The following CACNA1C variants were observed in gnomAD, a reference collection of about 807,000 sequenced individuals.
CACNA1C encodes voltage-dependent L-type calcium channel subunit alpha-1C.
In CACNA1C, 30 loss-of-function variants were observed where a neutral mutation model predicts 229.0. That is an observed-to-expected ratio of 0.13 (90% CI 0.10 to 0.18). CACNA1C has a LOEUF of 0.18. Ranked by LOEUF, CACNA1C falls within the 10% of genes least tolerant of loss-of-function variation. CACNA1C has a pLI of 1.00. For synonymous variants in CACNA1C, 1,114 were observed against 1,132.5 expected (o/e 0.98, Z 0.33); for missense variants, 1,658 against 2,845.0 (o/e 0.58, Z 9.49).
At chr12:2,598,903 C>T (rs1340717224) in intron 21 of CACNA1C, among the ~76,000 whole-genome samples, 5 of 152,192 alleles carry the variant, frequency 3.3e-5, no homozygotes, top group Non-Finnish European at 5.9e-5. Flanking sequence ...TCTGACCAGG[C>T]CTTGGTTCCT....
At chr12:2,591,767 G>T (rs904371737) in intron 18 of CACNA1C, among the ~76,000 whole-genome samples, 1 of 151,894 alleles carries the variant, frequency 6.6e-6, no homozygotes, top group African/African-American at 2.4e-5. Flanking sequence ...TACAGTTCTA[G>T]AGGCTGGAAG....
At chr12:2,392,878 C>G (rs567074895) in intron 3 of CACNA1C, among the ~76,000 whole-genome samples, 1 of 152,232 alleles carries the variant, frequency 6.6e-6, no homozygotes, top group South Asian at 2.1e-4. Flanking sequence ...AGCTAGGGAG[C>G]TTTTCTTTAT....
intron 3 of CACNA1C, among the ~76,000 whole-genome samples, chr12:2,197,086 G>A (rs148973617): frequency 2.2e-4 from 34 of 152,266 alleles, no homozygotes; most frequent in African/African-American, 7.7e-4. Context: ...GTACAGGCTG[G>A]CCCTGAACAC....
chr12:2,384,017 GC>G (rs2098319490), intron 3 of CACNA1C, among the ~76,000 whole-genome samples: 1 of 152,218 alleles, frequency 6.6e-6, no homozygotes, highest in Admixed American at 6.5e-5. Context: ...GAATGCATTT[GC>G]CACCCCTACA....
intron 29 of CACNA1C, among the ~76,000 whole-genome samples, chr12:2,619,455 G>C (rs1036154795): frequency 1.3e-5 from 2 of 152,130 alleles, no homozygotes; most frequent in African/African-American, 4.8e-5. Flanking sequence ...TTGGTATTCT[G>C]TCGTCTTTCA....
chr12:2,041,954 T>C (rs2050192766), intron 1 of CACNA1C, among the ~76,000 whole-genome samples: 1 of 152,214 alleles, frequency 6.6e-6, no homozygotes, highest in Non-Finnish European at 1.5e-5. Flanking sequence ...TCATGCGTTT[T>C]CAAGTTGACA....
intron 5 of CACNA1C, among the ~76,000 whole-genome samples, chr12:2,477,995 G>A (rs1414767549): frequency 6.6e-6 from 1 of 151,982 alleles, no homozygotes; most frequent in Non-Finnish European, 1.5e-5. Flanking sequence ...GTACAGGTGT[G>A]GATGCATGTA....
At chr12:2,589,455 G>A (rs1422456767) in intron 18 of CACNA1C, among the ~76,000 whole-genome samples, 1 of 152,252 alleles carries the variant, frequency 6.6e-6, no homozygotes, top group East Asian at 1.9e-4. Flanking sequence ...GACCCTGAGT[G>A]CAGAGTCTCT....
chr12:2,191,858 GTACTCGCATACACAGGCGCACAC>G, intron 3 of CACNA1C, among the ~76,000 whole-genome samples: 1 of 68,012 alleles, frequency 1.5e-5, no homozygotes, highest in Admixed American at 1.6e-4. Flanking sequence ...ACTCACACAT[GTACTCGCATACACAGGCGCACAC>G]GTACACACAG....
chr12:2,513,003 C>A lies in CACNA1C; in HGVS notation c.1390+19C>A. 6.3e-7 allele frequency: 1 copy of A among 1,578,188 alleles called. No homozygotes were observed. The highest frequency in any genetic ancestry group is 8.6e-7 in the Non-Finnish European group (1 of 1,160,630). On this transcript the variant is annotated intron_variant, in intron 9 of 46. Transcript: ENST00000399655. ...CGAAACAGTGAGCAGCCGTCTTCTT[C>A]TGTGTTTGGGCTGGGTTCTGGGGGA... is the stretch of plus-strand genomic sequence containing the variant.
chr12:1,971,047 C>T lies in CACNA1C; in HGVS notation c.-16C>T, dbSNP rs538949921. The T allele has an allele frequency of 3.1e-6, 4 of 1,280,056 alleles. No individual in the cohort carries two copies. Among genetic ancestry groups the T allele is most frequent in the East Asian group, 5.6e-5 (1 of 17,930 alleles). The allele number at this position is 1,280,056 out of a possible 1,614,324, so 79.3% of individuals were successfully genotyped here. ...CTTTAAAAATCAACCAATTAATATACATCTGGAAATTCACAATGCTTCGAG... is the reference window on the plus strand; with the variant it reads ...CTTTAAAAATCAACCAATTAATATATATCTGGAAATTCACAATGCTTCGAG... On this transcript the variant is annotated 5_prime_UTR_variant, in exon 1 of 47. Coordinates refer to the CACNA1C transcript ENST00000682462. This position sits in a 1 kb window ranked among gnomAD's most constrained non-coding sequence, Gnocchi z 4.2.
At chr12:2,214,236 G>A (rs965932888) in intron 3 of CACNA1C, among the ~76,000 whole-genome samples, 2 of 152,140 alleles carry the variant, frequency 1.3e-5, no homozygotes, top group African/African-American at 4.8e-5. Flanking sequence ...TTAAGTTGGC[G>A]CTGCTGAGGA....
intron 3 of CACNA1C, among the ~76,000 whole-genome samples, chr12:2,173,188 C>A (rs1216630066): frequency 6.6e-6 from 1 of 152,016 alleles, no homozygotes; most frequent in African/African-American, 2.4e-5. Flanking sequence ...GGACTGGGGG[C>A]AGAGTGGATA....
chr12:2,399,949 G>A (rs951367001), intron 3 of CACNA1C, among the ~76,000 whole-genome samples: 2 of 152,232 alleles, frequency 1.3e-5, no homozygotes, highest in Non-Finnish European at 2.9e-5. Context: ...TGCACCAGGG[G>A]TTTGATTCCC....
chr12:2,308,908 C>T (rs1194534333), intron 3 of CACNA1C, among the ~76,000 whole-genome samples: 1 of 152,104 alleles, frequency 6.6e-6, no homozygotes. Flanking sequence ...AAAATTGGTA[C>T]AGCCATTATG....
chr12:2,416,408 G>A (rs2098902441), intron 3 of CACNA1C, among the ~76,000 whole-genome samples: 1 of 152,088 alleles, frequency 6.6e-6, no homozygotes, highest in South Asian at 2.1e-4. Flanking sequence ...GAGAGGGGAA[G>A]GGAGGAAGAA....
At chr12:2,071,756 G>T (rs1179550960) in intron 1 of CACNA1C, among the ~76,000 whole-genome samples, 1 of 152,096 alleles carries the variant, frequency 6.6e-6, no homozygotes, top group African/African-American at 2.4e-5. Flanking sequence ...GCCTTTAAAT[G>T]CATTTGCAAT....
rs1354204186 is a variant in CACNA1C, at chr12:2,457,623, G to T, written c.674G>T (p.Gly225Val). The T allele has an allele frequency of 6.2e-7, 1 of 1,613,458 alleles. No individual in the cohort carries two copies. The highest frequency in any genetic ancestry group is 8.5e-7 in the Non-Finnish European group (1 of 1,179,632). The change falls in exon 5 of 47, where the codon GGA (glycine) becomes GTA (valine). Residue 225 changes from glycine (G) to valine (V), a missense_variant. Around this residue, in one of 20 missense-constraint regions of CACNA1C, gnomAD observed 89 missense variants for 177.8 expected, o/e 0.50. Coordinates refer to ENST00000399655, the MANE Select transcript of CACNA1C (RefSeq NM_000719.7). Reference sequence around the variant, plus strand: ...AAAGCAGATGGGGCAAACGCTCTCGGAGGGAAAGGGGCCGGATTTGATGTG... The same window carrying T: ...AAAGCAGATGGGGCAAACGCTCTCGTAGGGAAAGGGGCCGGATTTGATGTG... ...ATKADGANAL[G>V]GKGAGFDVKA...
intron 5 of CACNA1C, among the ~76,000 whole-genome samples, chr12:2,468,614 G>C (rs930990044): frequency 5.3e-5 from 8 of 152,216 alleles, no homozygotes; most frequent in Admixed American, 1.3e-4. Flanking sequence ...GCTGTAGGGC[G>C]CCCTGCCTGG....
Sources: allele counts gnomAD v4.1 joint callset (sites outside exome capture counted in the v4.1 genomes callset), GRCh38; gene constraint gnomAD v4.1.1; regional missense constraint gnomAD v4.1.1; non-coding constraint Gnocchi (gnomAD v3.1); transcripts MANE v1.5; gene names NCBI Gene and HGNC (gene_info 2026-07-23, HGNC 2026-07-21).